Variants in NTNG1 observed in about 807,000 individuals in gnomAD.
NTNG1 encodes netrin G1, also known as netrin-G1.
Under a neutral mutation model 54.0 loss-of-function variants are expected in NTNG1, and 16 were observed. The ratio of observed to expected loss-of-function variants is 0.30; its 90% CI spans 0.20 to 0.45. The LOEUF is 0.45. NTNG1 is among the 20% of genes least tolerant of loss of function. The pLI, the probability that NTNG1 is intolerant of heterozygous loss-of-function variation, is 1.00. For missense variants in NTNG1, 530 were observed against 678.7 expected, an observed-to-expected ratio of 0.78 and a Z score of 2.43; for synonymous variants, 255 against 263.1, an observed-to-expected ratio of 0.97 and a Z score of 0.30.
intron 2 of NTNG1, among the ~76,000 whole-genome samples, chr1:107,155,607 G>A (rs574859873): frequency 6.6e-6 from 1 of 152,228 alleles, no homozygotes; most frequent in Non-Finnish European, 1.5e-5. Flanking sequence ...GACTCTTTAA[G>A]TGGGTCACTA....
At chr1:107,426,238 C>A (rs950286185) in intron 5 of NTNG1, among the ~76,000 whole-genome samples, 2 of 151,930 alleles carry the variant, frequency 1.3e-5, no homozygotes, top group African/African-American at 2.4e-5. Flanking sequence ...ATTATAAATT[C>A]TTTGCCTAGG....
At chr1:107,151,466 C>T (rs1401003820) in intron 2 of NTNG1, among the ~76,000 whole-genome samples, 2 of 152,086 alleles carry the variant, frequency 1.3e-5, no homozygotes, top group Non-Finnish European at 2.9e-5. Context: ...GTCATTATGG[C>T]CTATTACATC....
intron 2 of NTNG1, among the ~76,000 whole-genome samples, chr1:107,216,321 T>C (rs2101426146): frequency 6.6e-6 from 1 of 152,322 alleles, no homozygotes; most frequent in Non-Finnish European, 1.5e-5. Context: ...GGTATGTCCC[T>C]TGTATGCCAG....
At chr1:107,181,522 AT>A (rs1279772558) in intron 2 of NTNG1, among the ~76,000 whole-genome samples, 3 of 17,434 alleles carry the variant, frequency 1.7e-4, no homozygotes, top group East Asian at 2.4e-3. Flanking sequence ...CCTTGATAAC[AT>A]TTTTTTCTTT....
chr1:107,255,563 T>G (rs1662881264), intron 2 of NTNG1, among the ~76,000 whole-genome samples: 1 of 152,240 alleles, frequency 6.6e-6, no homozygotes, highest in Non-Finnish European at 1.5e-5. Context: ...AATTAATTTT[T>G]TAAACATCTT....
At chr1:107,372,367 ATTTAT>A (rs1342271649) in intron 3 of NTNG1, among the ~76,000 whole-genome samples, 1 of 151,750 alleles carries the variant, frequency 6.6e-6, no homozygotes, top group Non-Finnish European at 1.5e-5. Context: ...AAAAATTTTG[ATTTAT>A]TTTGTCAGTT....
In NTNG1 at chr1:107,250,152, T is replaced by C. The variant is rs577343859; in HGVS notation, c.247-74130T>C. On this transcript the variant is annotated intron_variant, in intron 2 of 7. Transcript: ENST00000370068. ...TCCAGATTGTTACTGTCTTCATAGA[T>C]TTAATTCACTGATTATTTTAACCAA... Among the ~76,000 whole-genome samples the C allele has an allele frequency of 2.6e-5, 4 of 152,358 alleles. No homozygotes were observed. In the East Asian group the frequency reaches 7.7e-4, roughly 29 times the overall value.
At chr1:107,407,550 G>C in intron 4 of NTNG1, 132 bp from the exon 5 acceptor site, 4 of 657,364 alleles carry the variant, frequency 6.1e-6, no homozygotes, top group Middle Eastern at 8.6e-4. Flanking sequence ...CCTGTATTTT[G>C]TGTGTGTGCT....
intron 6 of NTNG1, 89 bp from the exon 7 acceptor site, chr1:107,436,576 G>A (rs1675609328): frequency 9.6e-7 from 1 of 1,043,562 alleles, no homozygotes; most frequent in Admixed American, 2.6e-5. Context: ...TTAAGTAAGT[G>A]ATGCATTTAA....
At chr1:107,150,480 A>C (rs1477799700) in intron 2 of NTNG1, among the ~76,000 whole-genome samples, 1 of 152,182 alleles carries the variant, frequency 6.6e-6, no homozygotes, top group Non-Finnish European at 1.5e-5. Flanking sequence ...GTTCCAGGCC[A>C]AGTCTGCATA....
intron 3 of NTNG1, among the ~76,000 whole-genome samples, chr1:107,361,846 A>C (rs1262346366): frequency 2.0e-5 from 3 of 152,104 alleles, no homozygotes; most frequent in Non-Finnish European, 4.4e-5. Context: ...TGCTATTTCA[A>C]TTCTGAGGAT....
chr1:107,267,220 A>G (rs982128077), intron 2 of NTNG1, among the ~76,000 whole-genome samples: 1 of 152,180 alleles, frequency 6.6e-6, no homozygotes, highest in Non-Finnish European at 1.5e-5. Context: ...TAAATGAGAT[A>G]ATACATCTTA....
intron 3 of NTNG1, among the ~76,000 whole-genome samples, chr1:107,346,973 C>T (rs921023109): frequency 2.0e-5 from 3 of 148,854 alleles, no homozygotes; most frequent in Admixed American, 6.7e-5. Flanking sequence ...GAAGCAGCTA[C>T]AGCATGTTTT....
At chr1:107,183,514 G>A (rs1378249734) in intron 2 of NTNG1, among the ~76,000 whole-genome samples, 3 of 152,066 alleles carry the variant, frequency 2.0e-5, no homozygotes, top group African/African-American at 7.2e-5. Flanking sequence ...GGGCCAAATG[G>A]TCCCCTTTCA....
At chr1:107,143,853 C>T in intron 1 of NTNG1, among the ~76,000 whole-genome samples, 1 of 152,052 alleles carries the variant, frequency 6.6e-6, no homozygotes, top group Middle Eastern at 3.2e-3. Flanking sequence ...TTATCCCATC[C>T]TCAATCATCC....
Position 107,392,802 on chromosome 1 carries a change from G to A in NTNG1, c.888-2352G>A, listed in dbSNP as rs574754954. ...AAGATGGGAGAGGCTTGTGCAATGA[G>A]TGAGAAAATTTATAAGTATGAAAAG... On this transcript the variant is annotated intron_variant, in intron 3 of 7. Coordinates refer to ENST00000370068, the MANE Select transcript of NTNG1 (RefSeq NM_001113226.3). 9.9e-4 allele frequency among the ~76,000 whole-genome samples: 150 copies of A among 152,206 alleles called. 2 individuals carry two copies. In the South Asian group the frequency reaches 0.03, roughly 30 times the overall value.
chr1:107,473,453 C>A (rs1457322650), intron 7 of NTNG1, among the ~76,000 whole-genome samples: 2 of 152,086 alleles, frequency 1.3e-5, no homozygotes, highest in Non-Finnish European at 2.9e-5. Context: ...CATAAGGAGT[C>A]CATCTGTGGT....
At chr1:107,189,501 C>G (rs982228727) in intron 2 of NTNG1, among the ~76,000 whole-genome samples, 2 of 149,934 alleles carry the variant, frequency 1.3e-5, no homozygotes, top group African/African-American at 4.9e-5. Context: ...AATTGCAAGC[C>G]CTGTCAAAGT....
intron 2 of NTNG1, among the ~76,000 whole-genome samples, chr1:107,279,188 A>T (rs1291038876): frequency 1.3e-5 from 2 of 152,260 alleles, no homozygotes; most frequent in South Asian, 2.1e-4. Context: ...ATGACCTCAA[A>T]TTGCTTAAAA....
Sources: allele counts gnomAD v4.1 joint callset (sites outside exome capture counted in the v4.1 genomes callset), GRCh38; gene constraint gnomAD v4.1.1; transcripts MANE v1.5; gene names NCBI Gene and HGNC (gene_info 2026-07-23, HGNC 2026-07-21).